The following C12orf42 variants were observed in gnomAD, a reference collection of about 807,000 sequenced individuals.
The protein encoded by C12orf42 is uncharacterized protein C12orf42.
Under a neutral mutation model 21.6 loss-of-function variants are expected in C12orf42, and 25 were observed. That is an observed-to-expected ratio of 1.16 (90% CI 0.84 to 1.62). The LOEUF is 1.62. C12orf42 is among the 40% of genes most tolerant of loss of function. C12orf42 has a pLI of 0.00. For synonymous variants in C12orf42, 174 were observed against 175.0 expected (o/e 0.99, Z 0.05); for missense variants, 483 against 459.3 (o/e 1.05, Z -0.47).
intron 3 of C12orf42, among the ~76,000 whole-genome samples, chr12:103,392,532 CATCTT>C (rs1317346464): frequency 6.6e-6 from 1 of 152,172 alleles, no homozygotes; most frequent in African/African-American, 2.4e-5. Flanking sequence ...TCAACATACA[CATCTT>C]TTGCCTTCTT....
the C12orf42 span, among the ~76,000 whole-genome samples, chr12:103,174,776 A>T: frequency 6.6e-6 from 1 of 152,198 alleles, no homozygotes; most frequent in East Asian, 1.9e-4. Context: ...ACAGTTTTAA[A>T]TTGTATTAAT....
the C12orf42 span, among the ~76,000 whole-genome samples, chr12:103,099,102 T>C: frequency 0.022 from 3,408 of 152,334 alleles, 55 homozygotes; most frequent in African/African-American, 0.044. Context: ...AAATATTTGA[T>C]CTGGAAGTAA....
the C12orf42 span, among the ~76,000 whole-genome samples, chr12:103,103,087 T>C: frequency 6.6e-6 from 1 of 152,164 alleles, no homozygotes. Flanking sequence ...GTCTTAGACA[T>C]AATCTAACTA....
chr12:103,441,526 G>A (rs1012630299), intron 2 of C12orf42: 9 of 152,032 alleles, frequency 5.9e-5, no homozygotes, highest in African/African-American at 1.7e-4. Flanking sequence ...TATCTCTGTG[G>A]ATCTGACACA....
the C12orf42 span, among the ~76,000 whole-genome samples, chr12:103,545,906 T>G: frequency 6.6e-6 from 1 of 152,214 alleles, no homozygotes; most frequent in African/African-American, 2.4e-5. Flanking sequence ...AAGCTCAATT[T>G]AATGAACTTC....
intron 4 of C12orf42, among the ~76,000 whole-genome samples, chr12:103,291,086 G>A (rs969161661): frequency 2.6e-5 from 4 of 152,140 alleles, no homozygotes; most frequent in Non-Finnish European, 5.9e-5. Flanking sequence ...ATGGTTAGAG[G>A]TGGTTGGGTA....
At chr12:103,336,500 A>G (rs555092970) in intron 4 of C12orf42, among the ~76,000 whole-genome samples, 1 of 152,224 alleles carries the variant, frequency 6.6e-6, no homozygotes, top group African/African-American at 2.4e-5. Context: ...AGAGGAAAAA[A>G]TAATTCCTAT....
At chr12:103,339,315 C>T (rs898393225) in intron 4 of C12orf42, among the ~76,000 whole-genome samples, 1 of 152,126 alleles carries the variant, frequency 6.6e-6, no homozygotes, top group African/African-American at 2.4e-5. Flanking sequence ...GGTATTAAGC[C>T]TAGTACCCAT....
At chr12:103,138,311 T>G in the C12orf42 span, among the ~76,000 whole-genome samples, 2 of 152,294 alleles carry the variant, frequency 1.3e-5, no homozygotes, top group East Asian at 3.9e-4. Flanking sequence ...GGTGGTTGGA[T>G]CATGAGGGCG....
intron 2 of C12orf42, among the ~76,000 whole-genome samples, chr12:103,441,012 A>G (rs1418002684): frequency 6.6e-6 from 1 of 152,172 alleles, no homozygotes; most frequent in Non-Finnish European, 1.5e-5. Context: ...AATTATTTTT[A>G]AAAAATAAAC....
At chr12:103,178,692 A>G in the C12orf42 span, 1 of 152,202 alleles carries the variant, frequency 6.6e-6, no homozygotes, top group African/African-American at 2.4e-5. Flanking sequence ...GGGATTTTCC[A>G]TGTGGACAAT....
chr12:103,394,269 T>C (rs942792311), intron 3 of C12orf42, among the ~76,000 whole-genome samples: 3 of 152,202 alleles, frequency 2.0e-5, no homozygotes, highest in Admixed American at 6.5e-5. Flanking sequence ...TTTCTCAAAT[T>C]ACTCTCTTAT....
the C12orf42 span, among the ~76,000 whole-genome samples, chr12:103,170,794 T>C: frequency 6.6e-6 from 1 of 152,156 alleles, no homozygotes; most frequent in East Asian, 1.9e-4. Flanking sequence ...AAGAATATAT[T>C]AGTAAATATA....
chr12:103,108,448 G>A, the C12orf42 span, among the ~76,000 whole-genome samples: 2 of 151,978 alleles, frequency 1.3e-5, no homozygotes, highest in Non-Finnish European at 2.9e-5. Context: ...TCTCCTATGT[G>A]TGTATGTGTG....
At chr12:103,327,342 T>C (rs1449027234) in intron 4 of C12orf42, among the ~76,000 whole-genome samples, 1 of 152,020 alleles carries the variant, frequency 6.6e-6, no homozygotes, top group East Asian at 1.9e-4. Flanking sequence ...TAAAACTATA[T>C]AGGAAACCAA....
the C12orf42 span, among the ~76,000 whole-genome samples, chr12:103,135,371 T>C: frequency 6.6e-6 from 1 of 151,686 alleles, no homozygotes; most frequent in African/African-American, 2.4e-5. Flanking sequence ...AGTGGGAGGA[T>C]GGCTTCAGCC....
the C12orf42 span, among the ~76,000 whole-genome samples, chr12:103,056,023 G>A: frequency 6.6e-6 from 1 of 152,062 alleles, no homozygotes; most frequent in Non-Finnish European, 1.5e-5. Context: ...TTGTTGGGTG[G>A]AGTGTTCTAT....
chr12:103,393,110 T>C (rs2047212144), intron 3 of C12orf42, among the ~76,000 whole-genome samples: 1 of 151,994 alleles, frequency 6.6e-6, no homozygotes, highest in Non-Finnish European at 1.5e-5. Context: ...AGTTTCTGTG[T>C]TAGTCCATTC....
chr12:103,281,917 A>G (rs1432400893), intron 4 of C12orf42, among the ~76,000 whole-genome samples: 5 of 87,556 alleles, frequency 5.7e-5, no homozygotes, highest in Non-Finnish European at 1.2e-4. Context: ...AAGAAAGAAA[A>G]AGAAAGAAAG....
Sources: gnomAD v4.1 joint callset for allele counts (sites outside exome capture counted in the v4.1 genomes callset) on GRCh38, gnomAD v4.1.1 for gene constraint, MANE v1.5 for transcripts, NCBI Gene and HGNC (gene_info 2026-07-23, HGNC 2026-07-21) for gene names.